The following KCNQ1 variants were observed in gnomAD, a reference collection of about 807,000 sequenced individuals.
KCNQ1 encodes potassium voltage-gated channel subfamily Q member 1, also known as potassium voltage-gated channel subfamily KQT member 1.
A neutral mutation model predicts 72.4 loss-of-function variants in KCNQ1; 49 were observed. That is an observed-to-expected ratio of 0.68 (90% CI 0.54 to 0.86). The LOEUF is 0.86. Among genes scored for constraint, KCNQ1 ranks in the 40% least tolerant of loss-of-function variants. The pLI is 0.00. For missense variants in KCNQ1, 790 were observed against 945.1 expected (o/e 0.84, Z 2.15); for synonymous variants, 450 against 412.6 (o/e 1.09, Z -1.10).
In KCNQ1 at chr11:2,498,465, C is replaced by T. The variant is rs1350614426; in HGVS notation, c.387-29463C>T. Among the ~76,000 whole-genome samples, 1 of 152,228 alleles carries T rather than the reference C, an allele frequency of 6.6e-6. No individual in the cohort carries two copies. ...GGTGAATTCTGCCCAGTCCAAGCCT[C>T]CCAGCCTCCTTAGCACTATCAGGGG... On this transcript the variant is annotated intron_variant, in intron 1 of 15. Coordinates refer to ENST00000155840, the MANE Select transcript of KCNQ1 (RefSeq NM_000218.3). This position sits in a 1 kb window ranked among gnomAD's most constrained non-coding sequence, Gnocchi z 4.8.
intron 10 of KCNQ1, chr11:2,641,030 A>G: frequency 2.5e-6 from 1 of 398,500 alleles, no homozygotes; most frequent in African/African-American, 2.1e-5. Context: ...ATTCCATTGT[A>G]TATATTTACC....
At chr11:2,466,727 G>A (rs900869450) in intron 1 of KCNQ1, among the ~76,000 whole-genome samples, 2 of 152,214 alleles carry the variant, frequency 1.3e-5, no homozygotes, top group Non-Finnish European at 2.9e-5. Context: ...GTGGGCAGAG[G>A]GAGAGGGCCT....
intron 11 of KCNQ1, among the ~76,000 whole-genome samples, chr11:2,758,259 C>T (rs1354663944): frequency 1.3e-5 from 2 of 152,138 alleles, no homozygotes; most frequent in Admixed American, 6.5e-5. Flanking sequence ...CACGAAGAGA[C>T]ATTTCACCAA....
chr11:2,597,970 TC>T (rs1442989353), intron 10 of KCNQ1, among the ~76,000 whole-genome samples: 2 of 152,176 alleles, frequency 1.3e-5, no homozygotes, highest in Non-Finnish European at 2.9e-5. Flanking sequence ...TCTCCTTTTT[TC>T]TTAATCAAGC....
chr11:2,570,050 G>A (rs928955881), intron 2 of KCNQ1, among the ~76,000 whole-genome samples: 4 of 152,220 alleles, frequency 2.6e-5, no homozygotes, highest in Admixed American at 6.5e-5. Flanking sequence ...GAGGCTTTCC[G>A]GGGCTGGATC....
At chr11:2,776,193 A>AC in intron 13 of KCNQ1, 139 bp downstream of exon 13, 3 of 739,898 alleles carry the variant, frequency 4.1e-6, no homozygotes, top group East Asian at 5.4e-5. Context: ...TCTCCTCACC[A>AC]CCCCCAGCCC....
intron 15 of KCNQ1, among the ~76,000 whole-genome samples, chr11:2,778,639 T>C (rs916429155): frequency 2.0e-5 from 3 of 151,878 alleles, no homozygotes; most frequent in Non-Finnish European, 2.9e-5. Flanking sequence ...ATCTGGGCGG[T>C]GGGAGGGCCT....
Position 2,827,523 on chromosome 11 carries a change from C to G in KCNQ1, c.1795-20244C>G, listed in dbSNP as rs1467337967. On this transcript the variant is annotated intron_variant, in intron 15 of 15. Transcript: ENST00000155840. This position sits in a 1 kb window ranked among gnomAD's most constrained non-coding sequence, Gnocchi z 6.7. ...GTCATCCCCCTTTCTGTCCACCCGCCGGAATGTGACGCACGCCTGAGTCGC... is the reference window on the plus strand; with the variant it reads ...GTCATCCCCCTTTCTGTCCACCCGCGGGAATGTGACGCACGCCTGAGTCGC... 6.6e-6 allele frequency among the ~76,000 whole-genome samples: 1 copy of G among 151,260 alleles called. No homozygotes were observed. Among genetic ancestry groups the G allele is most frequent in the African/African-American group, 2.4e-5 (1 of 41,108 alleles).
intron 15 of KCNQ1, among the ~76,000 whole-genome samples, chr11:2,843,741 C>T (rs911702073): frequency 1.3e-5 from 2 of 152,276 alleles, no homozygotes; most frequent in Non-Finnish European, 2.9e-5. Context: ...CAGGAATCCC[C>T]GTTGCCTTGG....
At chr11:2,847,520 A>G (rs1312608348) in intron 15 of KCNQ1, among the ~76,000 whole-genome samples, 1 of 152,192 alleles carries the variant, frequency 6.6e-6, no homozygotes, top group African/African-American at 2.4e-5. Flanking sequence ...GTGGACACAT[A>G]TAGGGACTCC....
Position 2,518,366 on chromosome 11 carries a change from C to T in KCNQ1, c.387-9562C>T, listed in dbSNP as rs976319353. Reference sequence around the variant, plus strand: ...TGTAACATGGGAGGGTAGACGCTGCCTTGGGACAGGAGAGACAGAGGCGGG... The same window carrying T: ...TGTAACATGGGAGGGTAGACGCTGCTTTGGGACAGGAGAGACAGAGGCGGG... On this transcript the variant is annotated intron_variant, in intron 1 of 15. Coordinates refer to ENST00000155840, the MANE Select transcript of KCNQ1 (RefSeq NM_000218.3). 3.9e-5 allele frequency among the ~76,000 whole-genome samples: 6 copies of T among 152,204 alleles called. No individual in the cohort carries two copies. The South Asian group carries it at 8.3e-4, about 21-fold the overall frequency.
chr11:2,588,631 G>C lies in KCNQ1; in HGVS notation c.1252-82G>C. 1 of 1,569,872 alleles carries C rather than the reference G, an allele frequency of 6.4e-7. No homozygotes were observed. Among genetic ancestry groups the C allele is most frequent in the Non-Finnish European group, 8.7e-7 (1 of 1,149,222 alleles). On this transcript the variant is annotated intron_variant, in intron 9 of 15. Transcript: ENST00000155840. This position sits in a 1 kb window ranked among gnomAD's most constrained non-coding sequence, Gnocchi z 5.6. ...TGTGGCGGGGGCTGGGCTCGGGGCG[G>C]CTGCACAGGCACTCTGGGGCCGGCG...
chr11:2,705,680 G>A (rs1348246762), intron 11 of KCNQ1, among the ~76,000 whole-genome samples: 1 of 152,222 alleles, frequency 6.6e-6, no homozygotes, highest in Non-Finnish European at 1.5e-5. Context: ...GGAAAAGTGG[G>A]CCCAGGCCTT....
At chr11:2,842,827 T>A (rs1848241602) in intron 15 of KCNQ1, among the ~76,000 whole-genome samples, 1 of 152,218 alleles carries the variant, frequency 6.6e-6, no homozygotes, top group South Asian at 2.1e-4. Context: ...GCTCTGTCCC[T>A]GGTGTCTTCA....
At chr11:2,835,035 A>G (rs1289597626) in intron 15 of KCNQ1, among the ~76,000 whole-genome samples, 2 of 148,916 alleles carry the variant, frequency 1.3e-5, no homozygotes, top group Non-Finnish European at 3.0e-5. Context: ...CTGTCCTAGG[A>G]GCCAGAAGCG....
Position 2,844,623 on chromosome 11 carries a change from G to A in KCNQ1, c.1795-3144G>A, listed in dbSNP as rs533495022. On this transcript the variant is annotated intron_variant, in intron 15 of 15. Transcript: ENST00000155840. ...CCTGCCGGGAGGAGCTGTCACCAAA[G>A]TGGCTCAGGACTGAGCGCTGATTCC... 1.2e-4 allele frequency among the ~76,000 whole-genome samples: 18 copies of A among 152,304 alleles called. No homozygotes were observed. The South Asian group carries it at 3.7e-3, about 32-fold the overall frequency.
rs1430062772 is a variant in KCNQ1, at chr11:2,817,437, C to A, written c.1795-30330C>A. 1.3e-5 allele frequency among the ~76,000 whole-genome samples: 2 copies of A among 152,274 alleles called. No individual in the cohort carries two copies. The highest frequency in any genetic ancestry group is 3.9e-4 in the East Asian group (2 of 5,170). On this transcript the variant is annotated intron_variant, in intron 15 of 15. Coordinates refer to ENST00000155840, the MANE Select transcript of KCNQ1 (RefSeq NM_000218.3). This position sits in a 1 kb window ranked among gnomAD's most constrained non-coding sequence, Gnocchi z 6.1. ...AGACACTGATACCCTTAGGATGAAG[C>A]TGACCCCAGTCGTGGCAGCCACCCC... is the stretch of plus-strand genomic sequence containing the variant.
rs1170765571 is a variant in KCNQ1, at chr11:2,830,657, C to G, written c.1795-17110C>G. On this transcript the variant is annotated intron_variant, in intron 15 of 15. Coordinates refer to ENST00000155840, the MANE Select transcript of KCNQ1 (RefSeq NM_000218.3). The surrounding 1 kb of genome is among the most constrained non-coding windows in gnomAD (Gnocchi z 7.7). Reference sequence around the variant, plus strand: ...CCAGGACCTCCTTCCTGGGTGGAGACCTTCCCACCCTTCCACTCACCTTCC... The same window carrying G: ...CCAGGACCTCCTTCCTGGGTGGAGAGCTTCCCACCCTTCCACTCACCTTCC... Among the ~76,000 whole-genome samples the G allele has an allele frequency of 6.6e-6, 1 of 152,088 alleles. No individual in the cohort carries two copies. Among genetic ancestry groups the G allele is most frequent in the Non-Finnish European group, 1.5e-5 (1 of 67,986 alleles).
At position 2,652,820 on chromosome 11, in the gene KCNQ1, C is replaced by T. The variant is rs1396464696; in HGVS notation, c.1394-9141C>T. 2.5e-6 allele frequency: 1 copy of T among 399,030 alleles called. No homozygotes were observed. Among genetic ancestry groups the T allele is most frequent in the Non-Finnish European group, 4.4e-6 (1 of 226,398 alleles). The allele number at this position is 399,030 out of a possible 1,614,324, so 24.7% of individuals were successfully genotyped here. ...ACCCTTGGGCCTGCAGAGACATTTC[C>T]GTTCACTCTGAGATTTGTGTATGCT... On this transcript the variant is annotated intron_variant, in intron 10 of 15. Coordinates refer to ENST00000155840, the MANE Select transcript of KCNQ1 (RefSeq NM_000218.3). This position sits in a 1 kb window ranked among gnomAD's most constrained non-coding sequence, Gnocchi z 5.9.
Sources: gnomAD v4.1 joint callset for allele counts (sites outside exome capture counted in the v4.1 genomes callset) on GRCh38, gnomAD v4.1.1 for gene constraint, Gnocchi (gnomAD v3.1) non-coding constraint, MANE v1.5 for transcripts, NCBI Gene and HGNC (gene_info 2026-07-23, HGNC 2026-07-21) for gene names.